Variants in PLCB1 observed in about 807,000 individuals in gnomAD.
The protein encoded by PLCB1 is phospholipase C beta 1.
PLCB1 carries 46 observed loss-of-function variants against 161.8 expected under a neutral mutation model. That is an observed-to-expected ratio of 0.28 (90% CI 0.22 to 0.36). PLCB1 has a LOEUF of 0.36. PLCB1 is among the 10% of genes least tolerant of loss of function. The pLI, the probability that PLCB1 is intolerant of heterozygous loss-of-function variation, is 1.00. For missense variants in PLCB1, 1,016 were observed against 1,472.5 expected, an observed-to-expected ratio of 0.69 and a Z score of 5.07; for synonymous variants, 517 against 503.7, an observed-to-expected ratio of 1.03 and a Z score of -0.35.
At chr20:8,525,491 T>G (rs1984548828) in intron 3 of PLCB1, among the ~76,000 whole-genome samples, 1 of 152,186 alleles carries the variant, frequency 6.6e-6, no homozygotes, top group Non-Finnish European at 1.5e-5. Context: ...CTGATTAATT[T>G]CACACTAAAA....
intron 3 of PLCB1, among the ~76,000 whole-genome samples, chr20:8,405,302 C>T (rs1406958391): frequency 2.0e-5 from 3 of 152,236 alleles, no homozygotes; most frequent in Admixed American, 6.5e-5. Context: ...TTTTGTTCAG[C>T]TCTCCCTTAA....
At chr20:8,288,158 C>A (rs1258626978) in intron 2 of PLCB1, among the ~76,000 whole-genome samples, 1 of 152,076 alleles carries the variant, frequency 6.6e-6, no homozygotes, top group African/African-American at 2.4e-5. Flanking sequence ...TTAGGTCTGC[C>A]CTTCTCTATC....
At chr20:8,692,350 C>T (rs977644452) in intron 10 of PLCB1, among the ~76,000 whole-genome samples, 2 of 152,132 alleles carry the variant, frequency 1.3e-5, no homozygotes, top group Non-Finnish European at 1.5e-5. Context: ...TTAGCATATG[C>T]AACGTTTTAT....
At chr20:8,543,386 A>G (rs961490115) in intron 3 of PLCB1, among the ~76,000 whole-genome samples, 4 of 152,074 alleles carry the variant, frequency 2.6e-5, no homozygotes, top group Non-Finnish European at 4.4e-5. Context: ...GTGACTAAGT[A>G]TAAATTCTAT....
chr20:8,439,281 G>A, intron 3 of PLCB1, among the ~76,000 whole-genome samples: 1 of 152,136 alleles, frequency 6.6e-6, no homozygotes, highest in Non-Finnish European at 1.5e-5. Flanking sequence ...ATCTAGCAGG[G>A]CATTAGCACA....
At chr20:8,286,870 T>C (rs2123294416) in intron 2 of PLCB1, among the ~76,000 whole-genome samples, 1 of 152,258 alleles carries the variant, frequency 6.6e-6, no homozygotes, top group East Asian at 1.9e-4. Context: ...TGTAAGTAAG[T>C]ATCATGGTTT....
intron 27 of PLCB1, 141 bp downstream of exon 27, chr20:8,774,860 C>T: frequency 1.8e-6 from 1 of 562,666 alleles, no homozygotes; most frequent in Non-Finnish European, 3.1e-6. Flanking sequence ...GACACAGTGT[C>T]CATCACACTA....
At chr20:8,495,653 T>G (rs1039360309) in intron 3 of PLCB1, among the ~76,000 whole-genome samples, 1 of 94,444 alleles carries the variant, frequency 1.1e-5, no homozygotes, top group Non-Finnish European at 2.3e-5. Context: ...TGCCTTGGCC[T>G]TCCGAAGTGC....
chr20:8,476,517 C>T (rs1431985384), intron 3 of PLCB1, among the ~76,000 whole-genome samples: 1 of 152,150 alleles, frequency 6.6e-6, no homozygotes, highest in Non-Finnish European at 1.5e-5. Flanking sequence ...TCCTTAAGTG[C>T]TTCAGATACT....
chr20:8,477,360 C>A (rs1982322662), intron 3 of PLCB1, among the ~76,000 whole-genome samples: 1 of 152,074 alleles, frequency 6.6e-6, no homozygotes, highest in African/African-American at 2.4e-5. Flanking sequence ...GGTATTAGGA[C>A]CAAAGGAAGA....
chr20:8,644,744 G>A (rs1989105561), intron 4 of PLCB1, among the ~76,000 whole-genome samples: 1 of 151,834 alleles, frequency 6.6e-6, no homozygotes, highest in African/African-American at 2.4e-5. Context: ...CCCCGCCCGG[G>A]AGGTGAGGGG....
intron 31 of PLCB1, among the ~76,000 whole-genome samples, chr20:8,841,063 C>T (rs1986486069): frequency 6.6e-6 from 1 of 152,168 alleles, no homozygotes; most frequent in African/African-American, 2.4e-5. Flanking sequence ...GTCTCGAACT[C>T]CTGACCTCAG....
chr20:8,523,930 T>C (rs1200628772), intron 3 of PLCB1, among the ~76,000 whole-genome samples: 2 of 152,050 alleles, frequency 1.3e-5, no homozygotes, highest in East Asian at 3.9e-4. Context: ...TGGAATCAAC[T>C]GGGCGGAGTT....
chr20:8,150,141 A>G (rs1200949145), intron 1 of PLCB1, among the ~76,000 whole-genome samples, 153 bp from the exon 2 acceptor site: 2 of 152,134 alleles, frequency 1.3e-5, no homozygotes, highest in East Asian at 1.9e-4. Context: ...AATTCCATGA[A>G]GTTAAAAATG....
intron 3 of PLCB1, among the ~76,000 whole-genome samples, chr20:8,472,320 G>C (rs1982091111): frequency 6.6e-6 from 1 of 151,812 alleles, no homozygotes; most frequent in Non-Finnish European, 1.5e-5. Context: ...TTATTTATTT[G>C]CTTTCATACA....
intron 23 of PLCB1, among the ~76,000 whole-genome samples, chr20:8,755,433 C>A (rs1981689788): frequency 6.6e-6 from 1 of 152,168 alleles, no homozygotes; most frequent in Non-Finnish European, 1.5e-5. Context: ...GGGATAGCCT[C>A]ATTGTCAGTA....
At chr20:8,712,169 C>T (rs1979054633) in intron 12 of PLCB1, among the ~76,000 whole-genome samples, 1 of 151,578 alleles carries the variant, frequency 6.6e-6, no homozygotes, top group Non-Finnish European at 1.5e-5. Context: ...ATGGCGGGTG[C>T]CTACAGTCCC....
intron 3 of PLCB1, among the ~76,000 whole-genome samples, chr20:8,452,588 G>A (rs536261709): frequency 6.6e-6 from 1 of 152,326 alleles, no homozygotes; most frequent in South Asian, 2.1e-4. Context: ...GAGAGAGTGA[G>A]CTAAAACAAA....
chr20:8,287,339 G>C lies in PLCB1; in HGVS notation c.178-84043G>C, dbSNP rs975702595. On this transcript the variant is annotated intron_variant, in intron 2 of 31. Coordinates refer to ENST00000338037, the MANE Select transcript of PLCB1 (RefSeq NM_015192.4). ...TTATATATTTAGCACAGTGTTTCTG[G>C]GATCACGAATATTTAATAATATAAA... 4.6e-5 allele frequency among the ~76,000 whole-genome samples: 7 copies of C among 152,016 alleles called. No individual in the cohort carries two copies. The East Asian group carries it at 1.3e-3, about 29-fold the overall frequency.
Sources: allele counts gnomAD v4.1 joint callset (sites outside exome capture counted in the v4.1 genomes callset), GRCh38; gene constraint gnomAD v4.1.1; transcripts MANE v1.5; gene names NCBI Gene and HGNC (gene_info 2026-07-23, HGNC 2026-07-21).